Variants in FAIM2 observed in about 807,000 individuals in gnomAD.
The protein encoded by FAIM2 is Fas apoptotic inhibitory molecule 2.
A neutral mutation model predicts 47.4 loss-of-function variants in FAIM2; 27 were observed. The ratio of observed to expected loss-of-function variants is 0.57; its 90% CI spans 0.42 to 0.78. FAIM2 has a LOEUF of 0.78. FAIM2 is among the 30% of genes least tolerant of loss of function. The pLI, the probability that FAIM2 is intolerant of heterozygous loss-of-function variation, is 0.00. For missense variants in FAIM2, 311 were observed against 389.4 expected, an observed-to-expected ratio of 0.80 and a Z score of 1.69; for synonymous variants, 156 against 159.3, an observed-to-expected ratio of 0.98 and a Z score of 0.16.
intron 11 of FAIM2, among the ~76,000 whole-genome samples, chr12:49,884,725 A>G (rs536300830): frequency 6.1e-4 from 93 of 152,374 alleles, no homozygotes; most frequent in African/African-American, 1.9e-3. Flanking sequence ...CTGTAATCCC[A>G]GCACTTTGGG....
chr12:49,879,798 GC>G (rs1374702569), intron 11 of FAIM2, among the ~76,000 whole-genome samples: 2 of 151,714 alleles, frequency 1.3e-5, no homozygotes, highest in Non-Finnish European at 2.9e-5. Flanking sequence ...GTGTATGTGT[GC>G]ATACGACTGT....
chr12:49,903,695 G>A (rs1592797365), intron 1 of FAIM2, 83 bp downstream of exon 1: 1 of 1,515,710 alleles, frequency 6.6e-7, no homozygotes, highest in Non-Finnish European at 9.0e-7. Flanking sequence ...GGATGCTTTC[G>A]TGGTCCAGAG....
chr12:49,888,509 G>T (rs542607547), intron 10 of FAIM2, among the ~76,000 whole-genome samples: 1 of 152,172 alleles, frequency 6.6e-6, no homozygotes, highest in Non-Finnish European at 1.5e-5. Context: ...TTCCTGTGAT[G>T]ACCCCAATCT....
chr12:49,895,061 G>C (rs1050375016), intron 5 of FAIM2, among the ~76,000 whole-genome samples: 1 of 53,332 alleles, frequency 1.9e-5, no homozygotes, highest in African/African-American at 3.9e-5. Context: ...GGTGTGGAGC[G>C]GGCAGGGCAG....
chr12:49,883,235 G>A (rs1345821718), intron 11 of FAIM2, among the ~76,000 whole-genome samples: 2 of 152,176 alleles, frequency 1.3e-5, no homozygotes, highest in Non-Finnish European at 2.9e-5. Context: ...GCTGTGCTGT[G>A]CATAGATGCA....
At position 49,889,182 on chromosome 12, in the gene FAIM2, C is replaced by G. The variant is rs1016158598; in HGVS notation, c.672G>C (p.Gln224His). 1 of 1,611,780 alleles carries G rather than the reference C, an allele frequency of 6.2e-7. No individual in the cohort carries two copies. The highest frequency in any genetic ancestry group is 8.5e-7 in the Non-Finnish European group (1 of 1,178,996). Reference sequence around the variant, plus strand: ...TCATGAGAAGCACGAAGAGCACGCCCTGGCAGGAGGTGAAGTCGAACTGTG... The same window carrying G: ...TCATGAGAAGCACGAAGAGCACGCCGTGGCAGGAGGTGAAGTCGAACTGTG... ...FQTKFDFTSC[Q>H]GVLFVLLMTL... Residue 224 changes from glutamine to histidine, a missense_variant, in exon 10 of 12, where the codon CAG becomes CAC. Transcript: ENST00000320634.
Position 49,869,708 on chromosome 12 carries a change from A to C in FAIM2, c.*796T>G, listed in dbSNP as rs1014253279. 6.6e-6 allele frequency: 1 copy of C among 151,794 alleles called. No homozygotes were observed. The highest frequency in any genetic ancestry group is 1.5e-5 in the Non-Finnish European group (1 of 68,098). The allele number at this position is 151,794 out of a possible 1,614,324, so 9.4% of individuals were successfully genotyped here. A position where few individuals can be genotyped will look rare whatever the true frequency, so the allele number is the denominator to read the frequency against. ...TGTGGGTCTCGGTCCTGCAACCCCA[A>C]ATGCCTCCCAGGTGGACGCGGGTCT... is the stretch of plus-strand genomic sequence containing the variant. On this transcript the variant is annotated 3_prime_UTR_variant, in exon 12 of 12. Transcript: ENST00000320634.
In FAIM2 at chr12:49,874,849, A is replaced by G. The variant is rs1206707966; in HGVS notation, c.802-4196T>C. ...TGCTGAAACAACCCAAACTCTACCA[A>G]CACGGGGGTGGTTAAATAAACTCTG... On this transcript the variant is annotated intron_variant, in intron 11 of 11. Transcript: ENST00000320634. The surrounding 1 kb of genome is among the most constrained non-coding windows in gnomAD (Gnocchi z 4.2). Among the ~76,000 whole-genome samples, 1 of 152,144 alleles carries G rather than the reference A, an allele frequency of 6.6e-6. No individual in the cohort carries two copies. Among genetic ancestry groups the G allele is most frequent in the East Asian group, 1.9e-4 (1 of 5,200 alleles).
chr12:49,893,257 C>G (rs1419280611), intron 5 of FAIM2, among the ~76,000 whole-genome samples: 1 of 152,078 alleles, frequency 6.6e-6, no homozygotes, highest in East Asian at 1.9e-4. Flanking sequence ...CTGCACTCTG[C>G]CCCTCCACTA....
intron 11 of FAIM2, among the ~76,000 whole-genome samples, chr12:49,884,293 GGAA>G (rs368808430): frequency 5.3e-5 from 8 of 152,112 alleles, no homozygotes; most frequent in African/African-American, 1.7e-4. Flanking sequence ...AGGAGAGTAG[GGAA>G]GAAGGAGAGA....
At chr12:49,888,729 G>A (rs1044411300) in intron 10 of FAIM2, among the ~76,000 whole-genome samples, 2 of 152,174 alleles carry the variant, frequency 1.3e-5, no homozygotes, top group African/African-American at 2.4e-5. Context: ...TCCCCCAGGA[G>A]CCCCAGAAGA....
intron 2 of FAIM2, among the ~76,000 whole-genome samples, chr12:49,900,807 T>C (rs1198932716): frequency 6.6e-6 from 1 of 152,174 alleles, no homozygotes; most frequent in Non-Finnish European, 1.5e-5. Flanking sequence ...TATCTCTTTT[T>C]TCTAGGAGTT....
At chr12:49,885,567 A>G (rs1946855340) in intron 11 of FAIM2, among the ~76,000 whole-genome samples, 1 of 151,396 alleles carries the variant, frequency 6.6e-6, no homozygotes, top group South Asian at 2.1e-4. Context: ...CCAGGCTCCC[A>G]GTTTGCCCAG....
chr12:49,896,800 A>AC (rs1311653325), intron 5 of FAIM2, among the ~76,000 whole-genome samples: 2 of 152,160 alleles, frequency 1.3e-5, no homozygotes, highest in African/African-American at 2.4e-5. Flanking sequence ...AGGCAGCAGA[A>AC]CCTACCCCCG....
At chr12:49,879,403 TGA>T (rs1946782581) in intron 11 of FAIM2, among the ~76,000 whole-genome samples, 4 of 151,782 alleles carry the variant, frequency 2.6e-5, no homozygotes, top group Admixed American at 2.0e-4. Flanking sequence ...TGTGTCCATG[TGA>T]GTGTGCATGT....
rs762465406 is a variant in FAIM2 at position 49,897,549 on chromosome 12, G to A, written c.350C>T (p.Thr117Ile). 6 of 1,614,138 alleles carry A rather than the reference G, an allele frequency of 3.7e-6. No individual in the cohort carries two copies. The highest frequency in any genetic ancestry group is 3.3e-5 in the Admixed American group (2 of 60,016). Residue 117 changes from threonine to isoleucine, a missense_variant, in exon 4 of 12, where the codon ACC (threonine) becomes ATC (isoleucine). By Grantham distance (89) the Thr-to-Ile change is moderately conservative (BLOSUM62 -1). Coordinates refer to ENST00000320634, the MANE Select transcript of FAIM2 (RefSeq NM_012306.4). ...YTILLIQLLV[T>I]LAVVALFTFC... ...AGTAAAGAGAGCCACGACAGCCAAG[G>A]TCACCAGCAGCTGAATCAGCAGGAT... is the stretch of plus-strand genomic sequence containing the variant.
rs1946694425 is a variant in FAIM2, at chr12:49,870,509, C to T, written c.946G>A (p.Glu316Lys). The change falls in exon 12 of 12, where the codon GAA becomes AAA. Residue 316 changes from glutamate (E) to lysine (K), a missense_variant. Glu to Lys is a moderately conservative substitution (Grantham distance 56). Coordinates refer to ENST00000320634, the MANE Select transcript of FAIM2 (RefSeq NM_012306.4). ...GGTGGGGCAGGGAGGGCTCCTCATT[C>T]TCGGTTAGTGCCAAAAAGCTGCAGG... ...FFLQLFGTNR[E>K] 1.9e-6 allele frequency: 3 copies of T among 1,613,544 alleles called. No homozygotes were observed. Among genetic ancestry groups the T allele is most frequent in the Non-Finnish European group, 2.5e-6 (3 of 1,179,752 alleles).
At chr12:49,890,055 G>A in intron 8 of FAIM2, 62 bp downstream of exon 8, 1 of 1,536,864 alleles carries the variant, frequency 6.5e-7, no homozygotes, top group Non-Finnish European at 9.0e-7. Flanking sequence ...CCTCGGGTGT[G>A]GCTGGTGCCT....
At position 49,878,628 on chromosome 12, in the gene FAIM2, ATG is replaced by A. The variant is rs1378692473; in HGVS notation, c.802-7977_802-7976del. Among the ~76,000 whole-genome samples the A allele has an allele frequency of 2.4e-5, 2 of 83,804 alleles. 1 individual carries two copies. The highest frequency in any genetic ancestry group is 7.5e-4 in the East Asian group (2 of 2,670). The allele number at this position is 83,804 out of a possible 152,430, so 55.0% of individuals were successfully genotyped here. ...TGCATGTGTATGTGTGCATATGTGT[ATG>A]TATGTGCCCTTGTATATATGTGCGC... On this transcript the variant is annotated intron_variant, in intron 11 of 11. Transcript: ENST00000320634.
Sources: gnomAD v4.1 joint callset for allele counts (sites outside exome capture counted in the v4.1 genomes callset) on GRCh38, gnomAD v4.1.1 for gene constraint, Gnocchi (gnomAD v3.1) non-coding constraint, MANE v1.5 for transcripts, NCBI Gene and HGNC (gene_info 2026-07-23, HGNC 2026-07-21) for gene names.